Variants in CADPS observed in about 807,000 individuals in gnomAD.
The protein encoded by CADPS is calcium-dependent secretion activator 1.
Under a neutral mutation model 167.3 loss-of-function variants are expected in CADPS, and 57 were observed. The ratio of observed to expected loss-of-function variants is 0.34; its 90% confidence interval spans 0.28 to 0.42. CADPS has a LOEUF of 0.42. CADPS is among the 20% of genes least tolerant of loss of function. The pLI is 1.00. For synonymous variants in CADPS, 676 were observed against 635.3 expected (o/e 1.06, Z -0.96); for missense variants, 1,414 against 1,738.1 (o/e 0.81, Z 3.32).
intron 18 of CADPS, among the ~76,000 whole-genome samples, chr3:62,496,184 G>C (rs1290822018): frequency 3.3e-5 from 5 of 151,284 alleles, no homozygotes; most frequent in Admixed American, 2.0e-4. Flanking sequence ...CCTATGTTTA[G>C]TGTGCCAGCA....
intron 1 of CADPS, among the ~76,000 whole-genome samples, chr3:62,843,312 G>T (rs765357828): frequency 5.3e-5 from 8 of 152,226 alleles, no homozygotes; most frequent in Admixed American, 2.0e-4. Context: ...TATAACTAAA[G>T]CCACAAGTAT....
At chr3:62,669,208 T>A (rs1052860592) in intron 3 of CADPS, among the ~76,000 whole-genome samples, 1 of 152,128 alleles carries the variant, frequency 6.6e-6, no homozygotes, top group Non-Finnish European at 1.5e-5. Flanking sequence ...CAGAGATTAG[T>A]GTCTGAGATG....
At chr3:62,493,366 A>C (rs1297717880) in intron 19 of CADPS, among the ~76,000 whole-genome samples, 1 of 152,206 alleles carries the variant, frequency 6.6e-6, no homozygotes, top group Non-Finnish European at 1.5e-5. Context: ...GAGCAGAAAA[A>C]CAAAAACAAA....
intron 3 of CADPS, among the ~76,000 whole-genome samples, chr3:62,714,867 A>G (rs2084119001): frequency 6.6e-6 from 1 of 152,210 alleles, no homozygotes; most frequent in African/African-American, 2.4e-5. Context: ...CTCGAGAGAG[A>G]TAGTACCCAA....
intron 3 of CADPS, among the ~76,000 whole-genome samples, chr3:62,664,439 G>A (rs1013599822): frequency 1.5e-4 from 23 of 152,152 alleles, no homozygotes; most frequent in African/African-American, 4.6e-4. Context: ...CTGACCAGTC[G>A]TCCATCCCAA....
rs1054271162 is a variant in CADPS at position 62,478,127 on chromosome 3, C to G, written c.3329+134G>C. 10 of 969,448 alleles carry G rather than the reference C, an allele frequency of 1.0e-5. No homozygotes were observed. The African/African-American group carries it at 1.6e-4, about 16-fold the overall frequency. 60.1% of individuals were successfully genotyped at this position (969,448 alleles called of 1,614,324 possible). Reference sequence around the variant, plus strand: ...TAGACGTTGACAGCCACTACTCCAGCTGACTTTGACAAGCAATCCCCTTCT... The same window carrying G: ...TAGACGTTGACAGCCACTACTCCAGGTGACTTTGACAAGCAATCCCCTTCT... On this transcript the variant is annotated intron_variant, in intron 23 of 29. Coordinates refer to ENST00000383710, the MANE Select transcript of CADPS (RefSeq NM_003716.4). The surrounding 1 kb of genome is among the most constrained non-coding windows in gnomAD (Gnocchi z 5.7).
At chr3:62,502,306 T>C (rs2065896627) in intron 17 of CADPS, among the ~76,000 whole-genome samples, 1 of 146,220 alleles carries the variant, frequency 6.8e-6, no homozygotes, top group Non-Finnish European at 1.5e-5. Context: ...TAGAAGTGAT[T>C]TTTTTTTTTT....
At chr3:62,436,456 A>T (rs988268709) in intron 28 of CADPS, among the ~76,000 whole-genome samples, 1 of 152,214 alleles carries the variant, frequency 6.6e-6, no homozygotes, top group Non-Finnish European at 1.5e-5. Context: ...ATTTAATTCA[A>T]TGGAGATGGG....
intron 1 of CADPS, among the ~76,000 whole-genome samples, chr3:62,873,374 C>T (rs1313242783): frequency 6.6e-6 from 1 of 152,240 alleles, no homozygotes; most frequent in African/African-American, 2.4e-5. Context: ...ACTAGTCTCA[C>T]AGTCTTGATG....
intron 3 of CADPS, among the ~76,000 whole-genome samples, chr3:62,707,918 C>CTGTTTT (rs55659559): frequency 2.0e-5 from 3 of 150,994 alleles, no homozygotes; most frequent in South Asian, 4.2e-4. Context: ...AGACACAGTA[C>CTGTTTT]TGTTTTTGTT....
chr3:62,792,469 G>T (rs2093035484), intron 1 of CADPS, among the ~76,000 whole-genome samples: 1 of 151,788 alleles, frequency 6.6e-6, no homozygotes, highest in Non-Finnish European at 1.5e-5. Context: ...CTCCCACAGT[G>T]TTGGGATTAC....
At chr3:62,798,512 A>G (rs2093582052) in intron 1 of CADPS, among the ~76,000 whole-genome samples, 2 of 152,148 alleles carry the variant, frequency 1.3e-5, no homozygotes, top group African/African-American at 4.8e-5. Flanking sequence ...CTCAGCTTGC[A>G]GATGGCCTAT....
At chr3:62,471,289 A>G (rs1365025970) in intron 24 of CADPS, among the ~76,000 whole-genome samples, 1 of 152,200 alleles carries the variant, frequency 6.6e-6, no homozygotes, top group East Asian at 1.9e-4. Context: ...GGTAAAGAGA[A>G]AAGAAGGGTC....
intron 1 of CADPS, among the ~76,000 whole-genome samples, chr3:62,807,967 G>A (rs187337034): frequency 1.3e-4 from 20 of 151,832 alleles, no homozygotes; most frequent in African/African-American, 3.1e-4. Context: ...TCCACCTCCC[G>A]GGTTCACGCG....
chr3:62,449,144 C>A (rs910884750), intron 26 of CADPS, among the ~76,000 whole-genome samples: 1 of 152,240 alleles, frequency 6.6e-6, no homozygotes, highest in Admixed American at 6.5e-5. Flanking sequence ...AATTACAGGG[C>A]CCTAGAAAAA....
chr3:62,429,454 T>C (rs2053481043), intron 28 of CADPS, among the ~76,000 whole-genome samples: 1 of 152,224 alleles, frequency 6.6e-6, no homozygotes. Flanking sequence ...TAGGTATTGA[T>C]CGTGAAATCT....
At chr3:62,626,229 A>G (rs2064059379) in intron 6 of CADPS, 1 of 270,866 alleles carries the variant, frequency 3.7e-6, no homozygotes, top group East Asian at 6.8e-5. Context: ...CATTGAGAAG[A>G]CAAAGCCAGC....
intron 6 of CADPS, among the ~76,000 whole-genome samples, chr3:62,597,623 C>T (rs1444177548): frequency 6.6e-6 from 1 of 152,142 alleles, no homozygotes; most frequent in African/African-American, 2.4e-5. Flanking sequence ...AGATGCTCAG[C>T]TCATAAGGCG....
chr3:62,795,134 T>C (rs304171), intron 1 of CADPS, among the ~76,000 whole-genome samples: 141,069 of 151,970 alleles, frequency 0.93, 65,508 homozygotes, highest in East Asian at 1. Context: ...ACGAATAGAC[T>C]TCCTCTTCCT....
Sources: allele counts gnomAD v4.1 joint callset (sites outside exome capture counted in the v4.1 genomes callset), GRCh38; gene constraint gnomAD v4.1.1; non-coding constraint Gnocchi (gnomAD v3.1); transcripts MANE v1.5; gene names NCBI Gene and HGNC (gene_info 2026-07-23, HGNC 2026-07-21).